TMCO5A: variants seen among roughly 807,000 people sequenced by gnomAD.
TMCO5A encodes the protein transmembrane and coiled-coil domains 5A.
Under a neutral mutation model 42.3 loss-of-function variants are expected in TMCO5A, and 34 were observed. The ratio of observed to expected loss-of-function variants is 0.80; its 90% CI spans 0.61 to 1.07. The LOEUF (loss-of-function observed/expected upper bound fraction) is 1.07. TMCO5A is among the 50% of genes least tolerant of loss of function. The pLI, the probability that TMCO5A is intolerant of heterozygous loss-of-function variation, is 0.00. For missense variants in TMCO5A, 357 were observed against 327.9 expected, an observed-to-expected ratio of 1.09 and a Z score of -0.69; for synonymous variants, 131 against 115.6, an observed-to-expected ratio of 1.13 and a Z score of -0.86.
chr15:37,997,551 T>C, the TMCO5A span, among the ~76,000 whole-genome samples: 1 of 152,332 alleles, frequency 6.6e-6, no homozygotes, highest in South Asian at 2.1e-4. Flanking sequence ...TTGTTCTTTT[T>C]TATGGCTGAA....
At chr15:38,018,847 A>G in the TMCO5A span, among the ~76,000 whole-genome samples, 1 of 152,134 alleles carries the variant, frequency 6.6e-6, no homozygotes, top group African/African-American at 2.4e-5. Flanking sequence ...AAACACAACA[A>G]TTTATGCATA....
downstream of TMCO5A, among the ~76,000 whole-genome samples, chr15:37,952,250 A>C (rs1172773114): frequency 2.0e-5 from 3 of 152,006 alleles, no homozygotes; most frequent in Non-Finnish European, 4.4e-5. Context: ...CAGAGTGGCT[A>C]AGGGAGTGCT....
At chr15:37,992,255 A>G in the TMCO5A span, among the ~76,000 whole-genome samples, 1 of 152,188 alleles carries the variant, frequency 6.6e-6, no homozygotes, top group African/African-American at 2.4e-5. Context: ...TAAAAGTTCA[A>G]TATCACTGGT....
At chr15:38,022,106 G>A in the TMCO5A span, among the ~76,000 whole-genome samples, 136 of 152,164 alleles carry the variant, frequency 8.9e-4, no homozygotes, top group Middle Eastern at 6.8e-3. Context: ...CATCACACCC[G>A]GCCAGTTTCT....
the TMCO5A span, among the ~76,000 whole-genome samples, chr15:37,987,056 C>T: frequency 6.6e-6 from 1 of 152,010 alleles, no homozygotes; most frequent in Non-Finnish European, 1.5e-5. Context: ...ATCTCCACAC[C>T]TTCATCAACA....
chr15:38,010,996 C>T, the TMCO5A span, among the ~76,000 whole-genome samples: 1 of 152,314 alleles, frequency 6.6e-6, no homozygotes, highest in East Asian at 1.9e-4. Context: ...ATCTGCCCAC[C>T]TCGTCCTCCC....
the TMCO5A span, among the ~76,000 whole-genome samples, chr15:38,016,895 C>T: frequency 6.6e-6 from 1 of 151,966 alleles, no homozygotes; most frequent in Non-Finnish European, 1.5e-5. Context: ...AGGGGTTAGA[C>T]ACCCTGACCT....
At chr15:37,990,886 T>C in the TMCO5A span, among the ~76,000 whole-genome samples, 8 of 152,078 alleles carry the variant, frequency 5.3e-5, no homozygotes, top group African/African-American at 1.4e-4. Context: ...TTTACTAACA[T>C]ACAAAACCTC....
intron 11 of TMCO5A, among the ~76,000 whole-genome samples, chr15:37,965,730 A>G (rs956452860): frequency 3.3e-5 from 5 of 152,202 alleles, no homozygotes; most frequent in Admixed American, 3.3e-4. Context: ...CCCAGTTAAA[A>G]TGGCTTTATC....
At chr15:37,949,721 T>C (rs984752558) in intron 11 of TMCO5A, among the ~76,000 whole-genome samples, 1 of 149,622 alleles carries the variant, frequency 6.7e-6, no homozygotes, top group African/African-American at 2.5e-5. Flanking sequence ...AAAAAAAAAA[T>C]AAAAATCTTC....
chr15:37,951,251 C>T lies in TMCO5A; in HGVS notation c.*17C>T, dbSNP rs1890149007. 6.2e-7 allele frequency: 1 copy of T among 1,610,642 alleles called. No homozygotes were observed. Among genetic ancestry groups the T allele is most frequent in the Non-Finnish European group, 8.5e-7 (1 of 1,177,692 alleles). On this transcript the variant is annotated 3_prime_UTR_variant, in exon 12 of 12. Transcript: ENST00000319669. ...CCCCACTGATTCCCTAAGAAATATC[C>T]TTGAGCAATAGAAGGGAAGTGGGAT...
chr15:37,990,176 C>A, the TMCO5A span, among the ~76,000 whole-genome samples: 1 of 152,018 alleles, frequency 6.6e-6, no homozygotes, highest in Non-Finnish European at 1.5e-5. Context: ...CTTCTGTTTT[C>A]TTATTCATCT....
chr15:38,005,798 C>T, the TMCO5A span, among the ~76,000 whole-genome samples: 1 of 152,128 alleles, frequency 6.6e-6, no homozygotes, highest in African/African-American at 2.4e-5. Flanking sequence ...GTCTTCTTAA[C>T]AGGTCATATG....
downstream of TMCO5A, among the ~76,000 whole-genome samples, chr15:37,952,592 T>C (rs1890187407): frequency 6.6e-6 from 1 of 152,202 alleles, no homozygotes; most frequent in African/African-American, 2.4e-5. Flanking sequence ...TGGAGGGCTT[T>C]AGGTGAGACC....
At chr15:38,008,085 T>TG in the TMCO5A span, among the ~76,000 whole-genome samples, 4 of 151,310 alleles carry the variant, frequency 2.6e-5, no homozygotes, top group African/African-American at 4.9e-5. Flanking sequence ...TTAGTAGAGA[T>TG]GGGGTTTCAC....
chr15:37,966,304 G>C (rs2140823923), intron 11 of TMCO5A, among the ~76,000 whole-genome samples: 1 of 151,702 alleles, frequency 6.6e-6, no homozygotes, highest in African/African-American at 2.4e-5. Context: ...TTTTAAGTAA[G>C]ACCTAGTATT....
chr15:37,987,053 C>T, the TMCO5A span, among the ~76,000 whole-genome samples: 1 of 152,032 alleles, frequency 6.6e-6, no homozygotes, highest in Non-Finnish European at 1.5e-5. Context: ...AATATCTCCA[C>T]ACCTTCATCA....
At chr15:38,033,041 C>T in the TMCO5A span, among the ~76,000 whole-genome samples, 1 of 151,770 alleles carries the variant, frequency 6.6e-6, no homozygotes, top group African/African-American at 2.4e-5. Flanking sequence ...CATTCTCCTG[C>T]CTCAGCCTCC....
At chr15:37,938,317 C>A in intron 6 of TMCO5A, 88 bp downstream of exon 6, 1 of 1,160,896 alleles carries the variant, frequency 8.6e-7, no homozygotes, top group Non-Finnish European at 1.2e-6. Flanking sequence ...AACGTTGTGA[C>A]AAATTCTTGG....
Sources: gnomAD v4.1 joint callset for allele counts (sites outside exome capture counted in the v4.1 genomes callset) on GRCh38, gnomAD v4.1.1 for gene constraint, MANE v1.5 for transcripts, NCBI Gene and HGNC (gene_info 2026-07-23, HGNC 2026-07-21) for gene names.